SASH3: variants seen among roughly 807,000 people sequenced by gnomAD.
SASH3 encodes the protein SAM and SH3 domain containing 3, also known as SAM and SH3 domain-containing protein 3.
SASH3 carries 7 observed loss-of-function variants against 26.1 expected under a neutral mutation model. The ratio of observed to expected loss-of-function variants is 0.27; its 90% CI spans 0.15 to 0.50. The LOEUF (loss-of-function observed/expected upper bound fraction) is 0.50, where lower values mean the gene tolerates loss of function less well. Ranked by LOEUF, SASH3 falls within the 20% of genes least tolerant of loss-of-function variation. The pLI is 0.98. For synonymous variants in SASH3, 138 were observed against 136.8 expected (o/e 1.01, Z -0.06); for missense variants, 231 against 318.3 (o/e 0.73, Z 2.09).
chrX:129,782,674 G>A (rs1159771586), intron 1 of SASH3, among the ~76,000 whole-genome samples: 4 of 111,948 alleles, frequency 3.6e-5, no homozygotes, highest in Non-Finnish European at 7.5e-5. Flanking sequence ...TCTCAAAGGC[G>A]CTAGAAGAGT....
At position 129,793,852 on chromosome X, in the gene SASH3, CAAGGCTGGGACCCAGCTGCA is replaced by C; in HGVS notation, c.*28_*47del. The C allele has an allele frequency of 1.7e-6, 2 of 1,157,515 alleles. No individual in the cohort carries two copies. The highest frequency in any genetic ancestry group is 2.3e-6 in the Non-Finnish European group (2 of 864,485). On this transcript the variant is annotated 3_prime_UTR_variant, in exon 8 of 8. Transcript: ENST00000356892. ...CCTTGAGGTGGCGGTGGCAATAGGC[CAAGGCTGGGACCCAGCTGCA>C]AAGGCTGTAGGAGTGGGCCCAGCCT...
Position 129,787,931 on chromosome X carries a change from G to A in SASH3, c.58-44G>A, listed in dbSNP as rs1272680646. On this transcript the variant is annotated intron_variant, in intron 1 of 7. Transcript: ENST00000356892. The stretch of plus-strand genomic sequence containing the variant: ...GGGAGGCGAGTATGTGGGCCCTCGG[G>A]CAGCCATTTAGCCCACTGATTGCAA... The A allele has an allele frequency of 4.8e-6, 5 of 1,046,546 alleles. No homozygotes were observed. The South Asian group carries it at 7.6e-5, about 16-fold the overall frequency. The allele number at this position is 1,046,546 out of a possible 1,213,427, so 86.2% of individuals were successfully genotyped here.
At position 129,791,100 on chromosome X, in the gene SASH3, G is replaced by A. The variant is rs759510464; in HGVS notation, c.442+19G>A. 9 of 1,204,210 alleles carry A rather than the reference G, an allele frequency of 7.5e-6. No individual in the cohort carries two copies. The highest frequency in any genetic ancestry group is 2.5e-4 in the Middle Eastern group (1 of 3,953). On this transcript the variant is annotated intron_variant, in intron 4 of 7. Transcript: ENST00000356892. ...TCAACAGGTGAGTAGGGGATGCGGG[G>A]GACACCTGCCGAATCTGGAGGAAAG...
chrX:129,785,863 G>A (rs1602926828), intron 1 of SASH3, among the ~76,000 whole-genome samples: 2 of 112,643 alleles, frequency 1.8e-5, no homozygotes, highest in Admixed American at 9.3e-5. Context: ...AGGCCAGCCC[G>A]ATGCCCACCC....
chrX:129,784,306 C>A (rs1927069333), intron 1 of SASH3, among the ~76,000 whole-genome samples: 1 of 111,986 alleles, frequency 8.9e-6, no homozygotes, highest in South Asian at 3.7e-4. Flanking sequence ...TGTGACTCTG[C>A]CACAATTAAT....
At chrX:129,791,634 G>A (rs939591116) in intron 4 of SASH3, among the ~76,000 whole-genome samples, 10 of 112,151 alleles carry the variant, frequency 8.9e-5, no homozygotes, top group East Asian at 5.6e-4. Context: ...CAGGGAACTC[G>A]TCCAGGCAGG....
chrX:129,784,043 A>G (rs1158469789), intron 1 of SASH3, among the ~76,000 whole-genome samples: 1 of 111,462 alleles, frequency 9.0e-6, no homozygotes, highest in East Asian at 2.8e-4. Flanking sequence ...TCAAGAAACA[A>G]CACTCTCAGA....
Position 129,780,043 on chromosome X carries a change from C to T in SASH3, c.-55C>T. 8.7e-7 allele frequency: 1 copy of T among 1,150,922 alleles called. No homozygotes were observed. Among genetic ancestry groups the T allele is most frequent in the South Asian group, 1.8e-5 (1 of 55,428 alleles). The allele number at this position is 1,150,922 out of a possible 1,213,427, so 94.8% of individuals were successfully genotyped here. A position where few individuals can be genotyped will look rare whatever the true frequency, so the allele number is the denominator to read the frequency against. On this transcript the variant is annotated 5_prime_UTR_variant, in exon 1 of 8. Coordinates refer to ENST00000356892, the MANE Select transcript of SASH3 (RefSeq NM_018990.4). Reference sequence around the variant, plus strand: ...GTTCTGGTGAGGCTAAGCAAGAGGCCTCTGCATCTTGACACCTAGGAGAGC... The same window carrying T: ...GTTCTGGTGAGGCTAAGCAAGAGGCTTCTGCATCTTGACACCTAGGAGAGC...
intron 1 of SASH3, among the ~76,000 whole-genome samples, chrX:129,784,224 CAT>C (rs1452954994): frequency 9.0e-6 from 1 of 111,399 alleles, no homozygotes; most frequent in African/African-American, 3.3e-5. Context: ...TTTACTCAAC[CAT>C]ATGTTTGTGA....
At chrX:129,789,105 AAAAAAAAGAAAG>A (rs1426651493) in intron 3 of SASH3, among the ~76,000 whole-genome samples, 9 of 43,773 alleles carry the variant, frequency 2.1e-4, no homozygotes, top group African/African-American at 5.1e-4. Flanking sequence ...CTGTCTCAAA[AAAAAAAAGAAAG>A]AAAGAAAGAA....
Position 129,794,765 on chromosome X carries a change from A to G in SASH3, c.*933A>G, listed in dbSNP as rs1927304726. 2 of 111,623 alleles carry G rather than the reference A, an allele frequency of 1.8e-5. No homozygotes were observed. The highest frequency in any genetic ancestry group is 3.8e-5 in the Non-Finnish European group (2 of 53,094). 9.2% of individuals were successfully genotyped at this position (111,623 alleles called of 1,213,427 possible). On this transcript the variant is annotated 3_prime_UTR_variant, in exon 8 of 8. Transcript: ENST00000356892. Reference sequence around the variant, plus strand: ...TCACAAGGCTGATTACAGATGGTCAAACCTGGCTTCCAAGGACAGAATTGC... The same window carrying G: ...TCACAAGGCTGATTACAGATGGTCAGACCTGGCTTCCAAGGACAGAATTGC...
chrX:129,792,248 C>A (rs1927243958), intron 4 of SASH3, 80 bp from the exon 5 acceptor site: 8 of 1,072,208 alleles, frequency 7.5e-6, no homozygotes, highest in African/African-American at 1.9e-5. Flanking sequence ...CTAGGCAGGT[C>A]CCCTGGAAGG....
intron 1 of SASH3, among the ~76,000 whole-genome samples, chrX:129,781,954 G>A (rs904148086): frequency 4.4e-5 from 5 of 112,628 alleles, no homozygotes; most frequent in African/African-American, 1.3e-4. Context: ...CAGAGGCAGC[G>A]GGCTGGCTGA....
chrX:129,780,979 T>A (rs1927005939), intron 1 of SASH3, among the ~76,000 whole-genome samples: 1 of 112,057 alleles, frequency 8.9e-6, no homozygotes, highest in Non-Finnish European at 1.9e-5. Flanking sequence ...AGATCTAGGA[T>A]TTTGTGGTTG....
chrX:129,780,520 C>T (rs1211640360), intron 1 of SASH3, among the ~76,000 whole-genome samples: 2 of 112,612 alleles, frequency 1.8e-5, no homozygotes, highest in African/African-American at 6.4e-5. Context: ...CTCTCCTCTA[C>T]GCTGGTCCTG....
intron 1 of SASH3, among the ~76,000 whole-genome samples, chrX:129,786,642 C>A (rs1382373577): frequency 9.0e-6 from 1 of 111,665 alleles, no homozygotes; most frequent in African/African-American, 3.3e-5. Context: ...GGCCTGTCCC[C>A]CTTACCTGCC....
intron 1 of SASH3, among the ~76,000 whole-genome samples, chrX:129,783,058 C>T (rs935378342): frequency 1.8e-5 from 2 of 111,456 alleles, no homozygotes; most frequent in Non-Finnish European, 3.8e-5. Flanking sequence ...GGCTCCCTTC[C>T]TACAGCACAC....
chrX:129,791,107 T>C (rs1252775770), intron 4 of SASH3, 26 bp downstream of exon 4: 3 of 1,199,206 alleles, frequency 2.5e-6, no homozygotes, highest in African/African-American at 3.5e-5. Flanking sequence ...GGGGGACACC[T>C]GCCGAATCTG....
intron 3 of SASH3, among the ~76,000 whole-genome samples, chrX:129,789,161 GAAAGAGAA>G (rs1569312693): frequency 0.082 from 5,042 of 61,408 alleles, 206 homozygotes; most frequent in Middle Eastern, 0.14. Context: ...AAGAAAGAAA[GAAAGAGAA>G]AAAAAAAAAA....
Sources: gnomAD v4.1 joint callset for allele counts (sites outside exome capture counted in the v4.1 genomes callset) on GRCh38, gnomAD v4.1.1 for gene constraint, MANE v1.5 for transcripts, NCBI Gene and HGNC (gene_info 2026-07-23, HGNC 2026-07-21) for gene names.